DOK7: variants seen among roughly 807,000 people sequenced by gnomAD.
DOK7 encodes docking protein 7.
In DOK7, 32 loss-of-function variants were observed where a neutral mutation model predicts 30.7. The ratio of observed to expected loss-of-function variants is 1.04; its 90% CI spans 0.79 to 1.40. DOK7 has a LOEUF of 1.40. Among genes scored for constraint, DOK7 ranks in the 40% most tolerant of loss-of-function variants. The pLI, the probability that DOK7 is intolerant of heterozygous loss-of-function variation, is 0.00. For missense variants in DOK7, 1,007 were observed against 699.2 expected (o/e 1.44, Z -4.97); for synonymous variants, 447 against 324.1 (o/e 1.38, Z -4.07).
At chr4:3,500,418 T>G (rs868395124) in intron 7 of DOK7, 11 of 1,535,046 alleles carry the variant, frequency 7.2e-6, no homozygotes, top group African/African-American at 1.4e-5. Context: ...GTCCCCGCCC[T>G]GCGTGGAGGC....
In DOK7 at chr4:3,468,151, C is replaced by A. The variant is rs550312921; in HGVS notation, c.100+4600C>A. Among the ~76,000 whole-genome samples, 16 of 150,216 alleles carry A rather than the reference C, an allele frequency of 1.1e-4. No homozygotes were observed. In the South Asian group the frequency reaches 3.3e-3, roughly 31 times the overall value. On this transcript the variant is annotated intron_variant, in intron 2 of 6. Coordinates refer to ENST00000340083, the MANE Select transcript of DOK7 (RefSeq NM_173660.5). ...ATACCTGTGTGTGCAGGTGTGTATG[C>A]AAGTGTGTGTGTGCATGTGAATACC...
rs936135389 is a variant in DOK7 at position 3,482,377 on chromosome 4, G to A, written c.533-3162G>A. ...CAAAGGCCCAGGAAAGCACTGTGCC[G>A]GCTGTTGGCTGGGTTGCCTCAGTTT... On this transcript the variant is annotated intron_variant, in intron 4 of 6. Coordinates refer to ENST00000340083, the MANE Select transcript of DOK7 (RefSeq NM_173660.5). 3.3e-5 allele frequency among the ~76,000 whole-genome samples: 5 copies of A among 152,224 alleles called. No individual in the cohort carries two copies. In the East Asian group the frequency reaches 7.7e-4, roughly 23 times the overall value.
chr4:3,463,340 C>A lies in DOK7; in HGVS notation c.-36C>A. On this transcript the variant is annotated 5_prime_UTR_variant, in exon 1 of 7. Transcript: ENST00000340083. ...TGAAAGTGACCCTGGGCTGGGGCGCCGGGGCGAGCGCGGCGGCGCGGAACC... is the reference window on the plus strand; with the variant it reads ...TGAAAGTGACCCTGGGCTGGGGCGCAGGGGCGAGCGCGGCGGCGCGGAACC... 1.4e-6 allele frequency: 2 copies of A among 1,439,428 alleles called. No individual in the cohort carries two copies. Among genetic ancestry groups the A allele is most frequent in the East Asian group, 2.7e-5 (1 of 36,438 alleles). The allele number at this position is 1,439,428 out of a possible 1,614,324, so 89.2% of individuals were successfully genotyped here.
At chr4:3,490,808 C>CT (rs551591848) in intron 6 of DOK7, among the ~76,000 whole-genome samples, 7 of 61,280 alleles carry the variant, frequency 1.1e-4, no homozygotes, top group East Asian at 5.4e-4. Flanking sequence ...TCTGCCCCCC[C>CT]GCTCATTCAT....
intron 5 of DOK7, among the ~76,000 whole-genome samples, chr4:3,485,952 C>A (rs1263159326): frequency 1.3e-5 from 2 of 152,132 alleles, no homozygotes; most frequent in Non-Finnish European, 2.9e-5. Flanking sequence ...TCAGCCACAG[C>A]TGCCACTGTG....
intron 2 of DOK7, among the ~76,000 whole-genome samples, chr4:3,464,340 G>A (rs1200878770): frequency 6.6e-6 from 1 of 152,172 alleles, no homozygotes; most frequent in East Asian, 1.9e-4. Flanking sequence ...GATCCCTCCT[G>A]CGTCCCCTCT....
At chr4:3,491,201 TCCCC>T (rs370920562) in intron 6 of DOK7, among the ~76,000 whole-genome samples, 1 of 24,190 alleles carries the variant, frequency 4.1e-5, no homozygotes, top group African/African-American at 1.0e-4. Flanking sequence ...GCTCATTCCT[TCCCC>T]CCTGCTCATT....
intron 2 of DOK7, among the ~76,000 whole-genome samples, chr4:3,469,013 AGT>A (rs1194358284): frequency 1.3e-3 from 139 of 107,468 alleles, no homozygotes; most frequent in African/African-American, 3.4e-3. Context: ...TGCGTGTATG[AGT>A]GTGTGTGCCT....
downstream of DOK7, among the ~76,000 whole-genome samples, chr4:3,498,223 C>A (rs1729019704): frequency 6.6e-6 from 1 of 152,138 alleles, no homozygotes; most frequent in Non-Finnish European, 1.5e-5. Flanking sequence ...CTCACAGAAG[C>A]CGAAGCAAAA....
exon 8 of DOK7, chr4:3,500,928 G>A: frequency 7.0e-7 from 1 of 1,428,282 alleles, no homozygotes; most frequent in Middle Eastern, 2.6e-4. Context: ...TCCCCAGGGA[G>A]CTCCCAGTCG....
At chr4:3,474,878 C>T (rs1369908365) in intron 3 of DOK7, among the ~76,000 whole-genome samples, 1 of 152,026 alleles carries the variant, frequency 6.6e-6, no homozygotes, top group Non-Finnish European at 1.5e-5. Context: ...TGCCACTGCC[C>T]TCTAGCCTGG....
At position 3,492,937 on chromosome 4, in the gene DOK7, ACCC is replaced by A. The variant is rs794727884; in HGVS notation, c.955_957del (p.Pro319del). ...AAGCCATGGTGGGTGCCTCAAGGCC[ACCC>A]CCCAAGCCGCTGCGTCCGCGGCAGC... On this transcript the variant is annotated inframe_deletion, in exon 7 of 7. Transcript: ENST00000340083. 3.2e-6 allele frequency: 5 copies of A among 1,543,998 alleles called. No homozygotes were observed. Among genetic ancestry groups the A allele is most frequent in the Non-Finnish European group, 4.4e-6 (5 of 1,148,860 alleles).
At chr4:3,464,955 C>T (rs917826229) in intron 2 of DOK7, among the ~76,000 whole-genome samples, 2 of 152,132 alleles carry the variant, frequency 1.3e-5, no homozygotes, top group Non-Finnish European at 2.9e-5. Context: ...TGGGTTATCC[C>T]GTATCCTGCG....
chr4:3,488,790 G>A (rs1727976996), intron 5 of DOK7, among the ~76,000 whole-genome samples: 2 of 146,380 alleles, frequency 1.4e-5, no homozygotes, highest in African/African-American at 2.8e-5. Context: ...GGGTGTGGCT[G>A]TGGCTTCCCT....
At chr4:3,496,751 G>T (rs974631338), downstream of DOK7, 2 of 1,511,554 alleles carry the variant, frequency 1.3e-6, no homozygotes, top group Non-Finnish European at 1.8e-6. Context: ...CCTTGTTCTC[G>T]GTGGCCCCCC....
intron 6 of DOK7, among the ~76,000 whole-genome samples, chr4:3,492,538 T>G: frequency 6.6e-6 from 1 of 151,276 alleles, no homozygotes; most frequent in Non-Finnish European, 1.5e-5. Context: ...GGAGAACAGG[T>G]GGCAGAAGGA....
intron 2 of DOK7, 100 bp from the exon 3 acceptor site, chr4:3,473,305 AC>A (rs1468567352): frequency 4.0e-5 from 48 of 1,199,104 alleles, no homozygotes; most frequent in Middle Eastern, 5.4e-4. Context: ...TGAGGTCATG[AC>A]CCCAGCCCGG....
intron 4 of DOK7, among the ~76,000 whole-genome samples, chr4:3,481,116 G>A (rs1727420775): frequency 6.6e-6 from 1 of 152,000 alleles, no homozygotes; most frequent in Admixed American, 6.6e-5. Context: ...CGTGAGGGTG[G>A]AGGAGGAGGA....
chr4:3,468,774 ATG>A (rs1726526015), intron 2 of DOK7, among the ~76,000 whole-genome samples: 1 of 127,620 alleles, frequency 7.8e-6, no homozygotes. Flanking sequence ...GTGTGCATGT[ATG>A]TGTGCCTGTG....
Sources: allele counts gnomAD v4.1 joint callset (sites outside exome capture counted in the v4.1 genomes callset), GRCh38; gene constraint gnomAD v4.1.1; transcripts MANE v1.5; gene names NCBI Gene and HGNC (gene_info 2026-07-23, HGNC 2026-07-21).